Variants in PCLO observed in about 807,000 individuals in gnomAD.
The protein encoded by PCLO is piccolo presynaptic cytomatrix protein, also known as protein piccolo.
In PCLO, 82 loss-of-function variants were observed where a neutral mutation model predicts 427.5. That is an observed-to-expected ratio of 0.19 (90% CI 0.16 to 0.23). The LOEUF (loss-of-function observed/expected upper bound fraction) is 0.23, where lower values mean the gene tolerates loss of function less well. Among genes scored for constraint, PCLO ranks in the 10% least tolerant of loss-of-function variants. The pLI is 1.00. For synonymous variants in PCLO, 2,357 were observed against 2,155.4 expected, an observed-to-expected ratio of 1.09 and a Z score of -2.59; for missense variants, 6,239 against 6,115.9, an observed-to-expected ratio of 1.02 and a Z score of -0.67.
intron 3 of PCLO, among the ~76,000 whole-genome samples, chr7:83,049,279 C>T (rs561260188): frequency 1.3e-5 from 2 of 152,160 alleles, no homozygotes; most frequent in South Asian, 4.2e-4. Context: ...GATACAAAAG[C>T]ACTTTATGGT....
Position 82,812,273 on chromosome 7 carries a change from G to A in PCLO, c.14792-6444C>T, listed in dbSNP as rs985357741. ...TCAATGATCACTTCAGGAAACAGAAGTAATCGTATAAAACAATGTAACAAA... is the reference window on the plus strand; with the variant it reads ...TCAATGATCACTTCAGGAAACAGAAATAATCGTATAAAACAATGTAACAAA... On this transcript the variant is annotated intron_variant, in intron 20 of 24. Transcript: ENST00000333891. Among the ~76,000 whole-genome samples the A allele has an allele frequency of 2.0e-5, 3 of 151,506 alleles. No homozygotes were observed. The Admixed American group carries it at 2.0e-4, about 10-fold the overall frequency.
At chr7:82,906,326 T>C (rs1013812899) in intron 8 of PCLO, among the ~76,000 whole-genome samples, 6 of 152,046 alleles carry the variant, frequency 3.9e-5, no homozygotes, top group Non-Finnish European at 7.4e-5. Flanking sequence ...GCATATGTTT[T>C]CAAATAAAAG....
intron 6 of PCLO, among the ~76,000 whole-genome samples, chr7:82,932,061 T>C (rs1016154861): frequency 2.6e-5 from 4 of 152,250 alleles, no homozygotes; most frequent in African/African-American, 7.2e-5. Flanking sequence ...GTAGGAAGTA[T>C]ATTTATTCAC....
intron 22 of PCLO, among the ~76,000 whole-genome samples, chr7:82,789,773 T>G (rs1347100336): frequency 1.3e-5 from 2 of 152,234 alleles, no homozygotes; most frequent in African/African-American, 4.8e-5. Context: ...AACTCATCTT[T>G]AAAGTACTAT....
intron 20 of PCLO, among the ~76,000 whole-genome samples, chr7:82,811,947 CAA>C (rs202177192): frequency 0.042 from 6,404 of 151,176 alleles, 199 homozygotes; most frequent in Non-Finnish European, 0.065. Context: ...TATATGTAAA[CAA>C]TATATCTATT....
intron 16 of PCLO, among the ~76,000 whole-genome samples, chr7:82,830,705 ATTTG>A (rs1792073211): frequency 6.6e-6 from 1 of 152,048 alleles, no homozygotes; most frequent in Non-Finnish European, 1.5e-5. Context: ...AAAATACATA[ATTTG>A]TTTAACAAGA....
intron 10 of PCLO, among the ~76,000 whole-genome samples, chr7:82,848,459 C>T (rs545095462): frequency 7.7e-4 from 117 of 151,442 alleles, no homozygotes; most frequent in African/African-American, 1.2e-3. Flanking sequence ...TACAGGTGTG[C>T]GCCACCACGC....
At chr7:83,162,266 C>A in intron 1 of PCLO, 79 bp downstream of exon 1, 4 of 1,451,164 alleles carry the variant, frequency 2.8e-6, no homozygotes, top group Non-Finnish European at 3.7e-6. Context: ...TACCGCCGTG[C>A]TGGCACATAC....
Position 82,999,508 on chromosome 7 carries a change from TTAAAATA to T in PCLO, c.3301-33028_3301-33022del, listed in dbSNP as rs1209288359. Among the ~76,000 whole-genome samples the T allele has an allele frequency of 4.1e-5, 2 of 48,568 alleles. 1 individual carries two copies. Among genetic ancestry groups the T allele is most frequent in the African/African-American group, 1.5e-4 (2 of 13,314 alleles). 31.9% of individuals were successfully genotyped at this position (48,568 alleles called of 152,430 possible). On this transcript the variant is annotated intron_variant, in intron 3 of 24. Transcript: ENST00000333891. Reference sequence around the variant, plus strand: ...AAAATATAATATATATAATATTATATTAAAATATAAAATATAATATTATATTAAAATA... The same window carrying T: ...AAAATATAATATATATAATATTATATTAAAATATAATATTATATTAAAATA...
rs148955071 is a variant in PCLO at position 82,764,406 on chromosome 7, C to T, written c.15008-2913G>A. ...TATCATCAATATGACATAACATACA[C>T]AATGATTATAAAATAAAATGCAGAG... On this transcript the variant is annotated intron_variant, in intron 22 of 24. Transcript: ENST00000333891. Among the ~76,000 whole-genome samples, 654 of 151,918 alleles carry T rather than the reference C, an allele frequency of 4.3e-3. 3 individuals carry two copies. The highest frequency in any genetic ancestry group is 0.014 in the African/African-American group (574 of 41,500).
chr7:82,826,819 T>A (rs1452719226), intron 17 of PCLO, among the ~76,000 whole-genome samples, 159 bp from the exon 18 acceptor site: 1 of 152,078 alleles, frequency 6.6e-6, no homozygotes, highest in Non-Finnish European at 1.5e-5. Flanking sequence ...AAATATTAAA[T>A]ATTATGTAAA....
At chr7:83,039,091 G>A (rs1211117387) in intron 3 of PCLO, among the ~76,000 whole-genome samples, 4 of 152,002 alleles carry the variant, frequency 2.6e-5, no homozygotes, top group African/African-American at 9.7e-5. Context: ...CTACTCTAAA[G>A]AGCATTCTAA....
At chr7:82,909,968 T>C (rs780469423) in intron 7 of PCLO, among the ~76,000 whole-genome samples, 1 of 152,128 alleles carries the variant, frequency 6.6e-6, no homozygotes, top group Non-Finnish European at 1.5e-5. Context: ...TAGTATCTCA[T>C]AGGTCTTTTC....
At chr7:83,079,235 C>G (rs1189076865) in intron 3 of PCLO, among the ~76,000 whole-genome samples, 1 of 152,118 alleles carries the variant, frequency 6.6e-6, no homozygotes, top group East Asian at 1.9e-4. Flanking sequence ...ATATTCAACA[C>G]AATTGTTAAC....
intron 3 of PCLO, among the ~76,000 whole-genome samples, chr7:83,021,153 C>A (rs1788332846): frequency 6.6e-6 from 1 of 152,084 alleles, no homozygotes; most frequent in South Asian, 2.1e-4. Flanking sequence ...AATTTTACAG[C>A]CCCTCACACC....
rs749591813 is a variant in PCLO at position 82,914,592 on chromosome 7, A to G, written c.13300+94T>C. 33 of 1,234,326 alleles carry G rather than the reference A, an allele frequency of 2.7e-5. No homozygotes were observed. In the African/African-American group the frequency reaches 3.0e-4, roughly 11 times the overall value. The allele number at this position is 1,234,326 out of a possible 1,614,324, so 76.5% of individuals were successfully genotyped here. The stretch of plus-strand genomic sequence containing the variant: ...AACATGCAAAAGACACACCAAGAAA[A>G]GTAGGATACATCTCTGGAGAAGGGA... On this transcript the variant is annotated intron_variant, in intron 7 of 24. Coordinates refer to ENST00000333891, the MANE Select transcript of PCLO (RefSeq NM_033026.6).
At chr7:83,043,263 G>A (rs1294088377) in intron 3 of PCLO, among the ~76,000 whole-genome samples, 2 of 151,948 alleles carry the variant, frequency 1.3e-5, no homozygotes, top group East Asian at 1.9e-4. Flanking sequence ...AATAGAGGTC[G>A]AGAAAAAACA....
intron 10 of PCLO, among the ~76,000 whole-genome samples, chr7:82,867,347 A>G (rs995535198): frequency 6.6e-6 from 1 of 152,192 alleles, no homozygotes; most frequent in Admixed American, 6.5e-5. Context: ...TTTGATAACA[A>G]TTTTGCCAAC....
intron 3 of PCLO, among the ~76,000 whole-genome samples, chr7:83,088,515 T>C (rs1002062182): frequency 6.6e-6 from 1 of 152,154 alleles, no homozygotes; most frequent in African/African-American, 2.4e-5. Context: ...TGTTTCCAGA[T>C]CAAGAAATGT....
Sources: gnomAD v4.1 joint callset for allele counts (sites outside exome capture counted in the v4.1 genomes callset) on GRCh38, gnomAD v4.1.1 for gene constraint, MANE v1.5 for transcripts, NCBI Gene and HGNC (gene_info 2026-07-23, HGNC 2026-07-21) for gene names.